B2M: variants seen among roughly 807,000 people sequenced by gnomAD.
B2M encodes beta-2-microglobulin, also known as beta chain of MHC class I molecules.
Under a neutral mutation model 14.5 loss-of-function variants are expected in B2M, and 3 were observed. The ratio of observed to expected loss-of-function variants is 0.21; its 90% confidence interval spans 0.09 to 0.53. The LOEUF (loss-of-function observed/expected upper bound fraction) is 0.53, where lower values mean the gene tolerates loss of function less well. B2M is among the 20% of genes least tolerant of loss of function. The pLI is 0.95. For synonymous variants in B2M, 45 were observed against 52.7 expected (o/e 0.85, Z 0.64); for missense variants, 107 against 140.8 (o/e 0.76, Z 1.21).
chr15:44,712,209 G>T (rs1207895521), intron 1 of B2M, among the ~76,000 whole-genome samples: 2 of 152,242 alleles, frequency 1.3e-5, no homozygotes, highest in African/African-American at 2.4e-5. Flanking sequence ...AGCACGCGAC[G>T]TTTGTAGAAT....
intron 3 of B2M, 153 bp downstream of exon 3, chr15:44,716,509 C>A: frequency 8.2e-6 from 7 of 856,474 alleles, no homozygotes; most frequent in Non-Finnish European, 1.3e-5. Flanking sequence ...ATGTTCCCTT[C>A]TCCTGTGGAG....
Position 44,715,445 on chromosome 15 carries a change from C to T in B2M, c.90C>T (p.Tyr30=), listed in dbSNP as rs2141288490. 6.2e-7 allele frequency: 1 copy of T among 1,614,042 alleles called. No homozygotes were observed. The highest frequency in any genetic ancestry group is 8.5e-7 in the Non-Finnish European group (1 of 1,180,024). Reference sequence around the variant, plus strand: ...CAGGTACTCCAAAGATTCAGGTTTACTCACGTCATCCAGCAGAGAATGGAA... The same window carrying T: ...CAGGTACTCCAAAGATTCAGGTTTATTCACGTCATCCAGCAGAGAATGGAA... ...AIQRTPKIQV[Y]SRHPAENGKS... The change falls in exon 2 of 4, where the codon TAC becomes TAT. Residue 30 remains tyrosine, a synonymous_variant. Coordinates refer to ENST00000648006, the MANE Select transcript of B2M (RefSeq NM_004048.4).
intron 1 of B2M, 98 bp downstream of exon 1, chr15:44,711,711 C>CAAGGAGAACTTGGAG: frequency 7.0e-7 from 1 of 1,435,060 alleles, no homozygotes; most frequent in Non-Finnish European, 9.7e-7. Flanking sequence ...TTCCCTTCTC[C>CAAGGAGAACTTGGAG]AAGTTCTCCT....
At chr15:44,714,315 A>G (rs1469679967) in intron 1 of B2M, 1 of 152,208 alleles carries the variant, frequency 6.6e-6, no homozygotes, top group Non-Finnish European at 1.5e-5. Context: ...GTCCAACTCA[A>G]CCATTTAAGG....
chr15:44,712,275 T>C (rs2086884092), intron 1 of B2M, among the ~76,000 whole-genome samples: 1 of 152,202 alleles, frequency 6.6e-6, no homozygotes, highest in Admixed American at 6.5e-5. Flanking sequence ...TCCCATCACA[T>C]GTCACTTTTA....
At chr15:44,711,650 C>T (rs769387850) in intron 1 of B2M, 37 bp downstream of exon 1, 16 of 1,592,188 alleles carry the variant, frequency 1.0e-5, no homozygotes, top group South Asian at 4.4e-5. Flanking sequence ...GGTCCTTCCT[C>T]TCCCGCTCTG....
Position 44,711,566 on chromosome 15 carries a change from T to C in B2M, c.20T>C (p.Leu7Ser), listed in dbSNP as rs2086865732. 1 of 1,613,804 alleles carries C rather than the reference T, an allele frequency of 6.2e-7. No homozygotes were observed. Among genetic ancestry groups the C allele is most frequent in the Non-Finnish European group, 8.5e-7 (1 of 1,179,998 alleles). MSRSVA[L>S]AVLALLSLSG... ...GCCGAGATGTCTCGCTCCGTGGCCT[T>C]AGCTGTGCTCGCGCTACTCTCTCTT... Residue 7 changes from leucine to serine, a missense_variant, in exon 1 of 4, where the codon TTA becomes TCA. Physicochemically the swap from Leu to Ser is moderately radical, Grantham distance 145 (BLOSUM62 -2). Transcript: ENST00000648006.
At chr15:44,716,138 T>C in intron 2 of B2M, 191 bp from the exon 3 acceptor site, 1 of 658,154 alleles carries the variant, frequency 1.5e-6, no homozygotes, top group Non-Finnish European at 2.6e-6. Context: ...ACTTTCTGGC[T>C]GGATTGGTAT....
In B2M at chr15:44,716,370, C is replaced by G; in HGVS notation, c.*14+14C>G. 1 of 1,604,220 alleles carries G rather than the reference C, an allele frequency of 6.2e-7. No individual in the cohort carries two copies. Among genetic ancestry groups the G allele is most frequent in the Non-Finnish European group, 8.5e-7 (1 of 1,171,088 alleles). On this transcript the variant is annotated intron_variant, in intron 3 of 3. Coordinates refer to ENST00000648006, the MANE Select transcript of B2M (RefSeq NM_004048.4). ...AGCATCATGGAGGTAAGTTTTTGAC[C>G]TTGAGAAAATGTTTTTGTTTCACTG...
At position 44,715,412 on chromosome 15, in the gene B2M, A is replaced by C; in HGVS notation, c.68-11A>C. ...GGCAATATTAATGTGTCTTTTCCCG[A>C]TATTCCTCAGGTACTCCAAAGATTC... On this transcript the variant is annotated splice_polypyrimidine_tract_variant and intron_variant, in intron 1 of 3. Coordinates refer to ENST00000648006, the MANE Select transcript of B2M (RefSeq NM_004048.4). The C allele has an allele frequency of 6.2e-7, 1 of 1,612,870 alleles. No homozygotes were observed. The highest frequency in any genetic ancestry group is 8.5e-7 in the Non-Finnish European group (1 of 1,179,820).
chr15:44,715,074 A>G, intron 1 of B2M: 2 of 399,622 alleles, frequency 5.0e-6, no homozygotes, highest in Non-Finnish European at 9.4e-6. Flanking sequence ...AAGGAATGCT[A>G]TGAGTGCTGA....
At chr15:44,716,458 AGAGTAAC>A in intron 3 of B2M, 102 bp downstream of exon 3, 1 of 1,249,990 alleles carries the variant, frequency 8.0e-7, no homozygotes, top group African/African-American at 1.5e-5. Flanking sequence ...GAACATTGAC[AGAGTAAC>A]ATTTTAGCAG....
chr15:44,711,859 TACGGCGACGGGA>T, intron 1 of B2M: 1 of 620,568 alleles, frequency 1.6e-6, no homozygotes, highest in South Asian at 1.8e-5. Context: ...ACCTTTGGCC[TACGGCGACGGGA>T]GGGTCGGGAC....
In B2M at chr15:44,716,371, T is replaced by C; in HGVS notation, c.*14+15T>C. The C allele has an allele frequency of 6.2e-7, 1 of 1,604,064 alleles. No homozygotes were observed. The highest frequency in any genetic ancestry group is 1.3e-5 in the African/African-American group (1 of 74,816). ...GCATCATGGAGGTAAGTTTTTGACC[T>C]TGAGAAAATGTTTTTGTTTCACTGT... On this transcript the variant is annotated intron_variant, in intron 3 of 3. Coordinates refer to ENST00000648006, the MANE Select transcript of B2M (RefSeq NM_004048.4).
chr15:44,717,342 T>C (rs1290195114), intron 3 of B2M: 1 of 152,208 alleles, frequency 6.6e-6, no homozygotes, highest in Non-Finnish European at 1.5e-5. Flanking sequence ...AGTAAAAATA[T>C]GCTATTTTAA....
chr15:44,714,302 CG>C (rs1195158286), intron 1 of B2M: 4 of 152,192 alleles, frequency 2.6e-5, no homozygotes, highest in Non-Finnish European at 4.4e-5. Context: ...TGTATTTTAT[CG>C]GGTCCAACTC....
chr15:44,715,938 T>C lies in B2M; in HGVS notation c.346+237T>C, dbSNP rs1191996355. On this transcript the variant is annotated intron_variant, in intron 2 of 3. Transcript: ENST00000648006. ...TTCTGAACCAGTAGTTTCCCTGCAGTTGAGCAGGGAGCAGCAGCAGCACTT... is the reference window on the plus strand; with the variant it reads ...TTCTGAACCAGTAGTTTCCCTGCAGCTGAGCAGGGAGCAGCAGCAGCACTT... 3 of 638,704 alleles carry C rather than the reference T, an allele frequency of 4.7e-6. No homozygotes were observed. The Admixed American group carries it at 7.8e-5, about 17-fold the overall frequency. The allele number at this position is 638,704 out of a possible 1,614,324, so 39.6% of individuals were successfully genotyped here.
intron 1 of B2M, among the ~76,000 whole-genome samples, chr15:44,712,303 C>T (rs2086884950): frequency 6.6e-6 from 1 of 152,198 alleles, no homozygotes; most frequent in Admixed American, 6.5e-5. Context: ...ATAAGAACTA[C>T]CCGTTATTGA....
intron 3 of B2M, chr15:44,716,706 ACT>A: frequency 2.9e-6 from 1 of 349,800 alleles, no homozygotes; most frequent in Non-Finnish European, 5.3e-6. Flanking sequence ...AAAATGAACC[ACT>A]CTTTTCCTTT....
Sources: allele counts gnomAD v4.1 joint callset (sites outside exome capture counted in the v4.1 genomes callset), GRCh38; gene constraint gnomAD v4.1.1; transcripts MANE v1.5; gene names NCBI Gene and HGNC (gene_info 2026-07-23, HGNC 2026-07-21).